Variants in PTCSC3 observed in about 807,000 individuals in gnomAD.
PTCSC3 encodes papillary thyroid carcinoma susceptibility candidate 3, also known as papillary thyroid carcinoma susceptibility candidate 3 (non-protein coding).
chr14:36,156,179 A>G (rs1440085417), intron 2 of PTCSC3, among the ~76,000 whole-genome samples: 1 of 152,156 alleles, frequency 6.6e-6, no homozygotes, highest in East Asian at 1.9e-4. Context: ...GCTCATGGTG[A>G]GCATTGCAGA....
At chr14:36,144,030 G>T (rs993470621) in intron 3 of PTCSC3, among the ~76,000 whole-genome samples, 3 of 152,158 alleles carry the variant, frequency 2.0e-5, no homozygotes, top group African/African-American at 4.8e-5. Context: ...ATCTGTTTTG[G>T]TACCAGTACC....
chr14:36,176,670 C>T (rs1398175156), upstream of PTCSC3, among the ~76,000 whole-genome samples: 2 of 152,054 alleles, frequency 1.3e-5, no homozygotes, highest in African/African-American at 2.4e-5. Flanking sequence ...GCCTGGCCTC[C>T]GATATTTCTG....
intron 1 of PTCSC3, among the ~76,000 whole-genome samples, chr14:36,174,097 G>A (rs538192940): frequency 1.3e-5 from 2 of 152,120 alleles, no homozygotes; most frequent in African/African-American, 2.4e-5. Context: ...GTGTGGGTTC[G>A]TTGAAATTCT....
At chr14:36,147,506 G>A (rs1435267960) in intron 3 of PTCSC3, among the ~76,000 whole-genome samples, 4 of 152,074 alleles carry the variant, frequency 2.6e-5, no homozygotes, top group African/African-American at 9.7e-5. Context: ...CTTGGTTTTT[G>A]GCTCCATCAG....
intron 1 of PTCSC3, among the ~76,000 whole-genome samples, chr14:36,176,009 G>C (rs773019006): frequency 6.6e-5 from 10 of 152,108 alleles, no homozygotes; most frequent in Non-Finnish European, 2.9e-5. Flanking sequence ...GACAAATGTG[G>C]GTAGCAAATA....
At chr14:36,159,842 T>C (rs1465045016) in intron 2 of PTCSC3, among the ~76,000 whole-genome samples, 1 of 152,086 alleles carries the variant, frequency 6.6e-6, no homozygotes, top group Non-Finnish European at 1.5e-5. Context: ...TCTCCCACTA[T>C]TATTGTGTGG....
At chr14:36,141,321 G>A (rs1444047656) in intron 3 of PTCSC3, among the ~76,000 whole-genome samples, 1 of 152,050 alleles carries the variant, frequency 6.6e-6, no homozygotes, top group East Asian at 1.9e-4. Context: ...AGATCAAGTT[G>A]GGGATAACTG....
intron 3 of PTCSC3, among the ~76,000 whole-genome samples, chr14:36,153,538 C>G (rs772027727): frequency 1.3e-5 from 2 of 152,174 alleles, no homozygotes; most frequent in African/African-American, 4.8e-5. Flanking sequence ...ATTTGTACAA[C>G]CACTTTGGAA....
At chr14:36,171,704 G>A (rs1213439391) in intron 1 of PTCSC3, among the ~76,000 whole-genome samples, 2 of 152,126 alleles carry the variant, frequency 1.3e-5, no homozygotes, top group African/African-American at 4.8e-5. Context: ...TCAAAGGCAA[G>A]CAAGATGCAT....
chr14:36,164,487 T>C (rs1274487708), intron 1 of PTCSC3, among the ~76,000 whole-genome samples: 2 of 152,242 alleles, frequency 1.3e-5, no homozygotes, highest in Non-Finnish European at 2.9e-5. Context: ...AAAGGGAATT[T>C]GCCTGTTCAA....
chr14:36,159,104 CTTTATCTTTT>C (rs1377982881), intron 2 of PTCSC3, among the ~76,000 whole-genome samples: 1 of 151,686 alleles, frequency 6.6e-6, no homozygotes, highest in African/African-American at 2.4e-5. Flanking sequence ...GGGAAATCCC[CTTTATCTTTT>C]TTTATTGCAT....
At chr14:36,175,521 C>T (rs1250061202) in intron 1 of PTCSC3, among the ~76,000 whole-genome samples, 1 of 152,150 alleles carries the variant, frequency 6.6e-6, no homozygotes, top group Non-Finnish European at 1.5e-5. Flanking sequence ...AAATAGGTCC[C>T]AGCCAGTTGC....
intron 3 of PTCSC3, among the ~76,000 whole-genome samples, chr14:36,140,292 C>T (rs1371314743): frequency 6.6e-6 from 1 of 152,172 alleles, no homozygotes; most frequent in African/African-American, 2.4e-5. Context: ...AAGCTGTTAT[C>T]AACATTGTGT....
intron 3 of PTCSC3, among the ~76,000 whole-genome samples, chr14:36,145,411 T>C (rs1342098193): frequency 6.6e-6 from 1 of 150,700 alleles, no homozygotes; most frequent in South Asian, 2.1e-4. Flanking sequence ...GTTGAGGAAT[T>C]TATCCATTTC....
intron 2 of PTCSC3, among the ~76,000 whole-genome samples, chr14:36,159,547 T>C (rs2139104826): frequency 6.6e-6 from 1 of 152,308 alleles, no homozygotes; most frequent in Admixed American, 6.5e-5. Flanking sequence ...TTCCATGTAG[T>C]TGTGTGGTTT....
chr14:36,173,017 G>T (rs757460081), intron 1 of PTCSC3, among the ~76,000 whole-genome samples: 1 of 151,478 alleles, frequency 6.6e-6, no homozygotes, highest in Non-Finnish European at 1.5e-5. Context: ...TTTTCTGCCA[G>T]AATAGAAAAA....
chr14:36,150,214 C>T (rs556233125), intron 3 of PTCSC3, among the ~76,000 whole-genome samples: 1 of 152,252 alleles, frequency 6.6e-6, no homozygotes, highest in Non-Finnish European at 1.5e-5. Flanking sequence ...AAATGCTACC[C>T]TCCAAGATGA....
At chr14:36,161,675 G>GT (rs1881959357) in intron 2 of PTCSC3, among the ~76,000 whole-genome samples, 1 of 152,222 alleles carries the variant, frequency 6.6e-6, no homozygotes, top group African/African-American at 2.4e-5. Context: ...GCTGGGAGGT[G>GT]TCTCTCAGTC....
intron 3 of PTCSC3, among the ~76,000 whole-genome samples, chr14:36,151,528 T>A (rs1881723520): frequency 6.6e-6 from 1 of 152,222 alleles, no homozygotes; most frequent in Non-Finnish European, 1.5e-5. Context: ...CCTTTTGTCT[T>A]GTCCCACAGT....
Sources: allele counts gnomAD v4.1 joint callset (sites outside exome capture counted in the v4.1 genomes callset), GRCh38; gene constraint gnomAD v4.1.1; transcripts MANE v1.5; gene names NCBI Gene and HGNC (gene_info 2026-07-23, HGNC 2026-07-21).